Variants in BICD1 observed in about 807,000 individuals in gnomAD.
BICD1 encodes the protein protein bicaudal D homolog 1.
BICD1 carries 35 observed loss-of-function variants against 92.5 expected under a neutral mutation model. The observed-to-expected ratio is 0.38, with a 90% CI of 0.29 to 0.50. The LOEUF (loss-of-function observed/expected upper bound fraction) is 0.50. BICD1 is among the 20% of genes least tolerant of loss of function. The probability of loss-of-function intolerance (pLI) is 0.93; values close to 1 mark genes in which losing one functional copy is unlikely to be tolerated. For synonymous variants in BICD1, 429 were observed against 465.1 expected, an observed-to-expected ratio of 0.92 and a Z score of 1.00; for missense variants, 950 against 1,189.8, an observed-to-expected ratio of 0.80 and a Z score of 2.97.
chr12:32,284,085 G>A (rs932997634), intron 2 of BICD1, among the ~76,000 whole-genome samples: 1 of 152,216 alleles, frequency 6.6e-6, no homozygotes, highest in Non-Finnish European at 1.5e-5. Flanking sequence ...CCTGTGGGGT[G>A]GGGGGCAAGG....
At chr12:32,108,501 A>G (rs1144715) in intron 1 of BICD1, 354,406 of 490,968 alleles carry the variant, frequency 0.72, 129,284 homozygotes, top group Admixed American at 0.79. Context: ...TGGGTAGCAA[A>G]TAACCACTTA....
At chr12:32,270,778 T>C (rs1947117948) in intron 2 of BICD1, among the ~76,000 whole-genome samples, 1 of 152,208 alleles carries the variant, frequency 6.6e-6, no homozygotes, top group Non-Finnish European at 1.5e-5. Flanking sequence ...CATTTTCAGG[T>C]TTATTGCCTA....
At chr12:32,255,318 C>T (rs1203030028) in intron 2 of BICD1, among the ~76,000 whole-genome samples, 2 of 152,138 alleles carry the variant, frequency 1.3e-5, no homozygotes, top group African/African-American at 4.8e-5. Flanking sequence ...ATTACCATCA[C>T]ATTGGGAACT....
intron 2 of BICD1, among the ~76,000 whole-genome samples, chr12:32,291,306 G>A (rs1376951720): frequency 1.3e-5 from 2 of 151,612 alleles, no homozygotes; most frequent in Non-Finnish European, 2.9e-5. Flanking sequence ...GGAGGCCAAA[G>A]CAGGAGGATT....
chr12:32,156,616 T>TGG (rs1565553226), intron 1 of BICD1, among the ~76,000 whole-genome samples: 2 of 152,214 alleles, frequency 1.3e-5, no homozygotes, highest in Admixed American at 6.5e-5. Context: ...CATTTGCTTT[T>TGG]TGGTCTTCTG....
At chr12:32,159,962 C>CATTCAA (rs1943552584) in intron 1 of BICD1, among the ~76,000 whole-genome samples, 1 of 152,186 alleles carries the variant, frequency 6.6e-6, no homozygotes, top group Non-Finnish European at 1.5e-5. Flanking sequence ...ATCTGGTCTC[C>CATTCAA]ACCATTTCCT....
intron 1 of BICD1, among the ~76,000 whole-genome samples, chr12:32,178,918 G>C (rs1944195779): frequency 1.3e-5 from 2 of 151,906 alleles, no homozygotes; most frequent in Non-Finnish European, 2.9e-5. Context: ...ACTCAGTTTT[G>C]CATGAGGCTC....
At position 32,339,724 on chromosome 12, in the gene BICD1, G is replaced by C. The variant is rs550522989; in HGVS notation, c.2764+745G>C. 5 of 985,402 alleles carry C rather than the reference G, an allele frequency of 5.1e-6. No homozygotes were observed. The African/African-American group carries it at 8.7e-5, about 17-fold the overall frequency. The allele number at this position is 985,402 out of a possible 1,614,324, so 61.0% of individuals were successfully genotyped here. ...AATCCCTGCATGTGAGTATAGGGCAGAAGTGGCAAACAAGGAGCCCATAAA... is the reference window on the plus strand; with the variant it reads ...AATCCCTGCATGTGAGTATAGGGCACAAGTGGCAAACAAGGAGCCCATAAA... On this transcript the variant is annotated intron_variant, in intron 8 of 9. Transcript: ENST00000652176.
In BICD1 at chr12:32,107,300, G is replaced by A. The variant is rs757500148; in HGVS notation, c.-32G>A. 2 of 1,520,958 alleles carry A rather than the reference G, an allele frequency of 1.3e-6. No homozygotes were observed. The highest frequency in any genetic ancestry group is 2.4e-5 in the East Asian group (1 of 42,430). The allele number at this position is 1,520,958 out of a possible 1,614,324, so 94.2% of individuals were successfully genotyped here. A position where few individuals can be genotyped will look rare whatever the true frequency, so the allele number is the denominator to read the frequency against. ...GCTTCGCATCCATCTCCCCCACCCC[G>A]TAACCCCCTCCTGCCTCCATCCACC... is the stretch of plus-strand genomic sequence containing the variant. On this transcript the variant is annotated 5_prime_UTR_variant, in exon 1 of 10. Transcript: ENST00000652176.
intron 2 of BICD1, among the ~76,000 whole-genome samples, chr12:32,258,497 A>G (rs1946774816): frequency 6.6e-6 from 1 of 152,122 alleles, no homozygotes; most frequent in Non-Finnish European, 1.5e-5. Context: ...GACACAAGAC[A>G]AAGAGATAAA....
chr12:32,175,849 T>C (rs1463036157), intron 1 of BICD1, among the ~76,000 whole-genome samples: 2 of 152,210 alleles, frequency 1.3e-5, no homozygotes. Context: ...ATCCTCCTAA[T>C]AGGATCTCTC....
chr12:32,185,917 A>T (rs1265748434), intron 1 of BICD1, among the ~76,000 whole-genome samples: 2 of 136,458 alleles, frequency 1.5e-5, no homozygotes, highest in Non-Finnish European at 1.6e-5. Context: ...ACCCCTTTGC[A>T]TCTGTGTGGG....
chr12:32,200,081 G>T (rs1944862977), intron 1 of BICD1, among the ~76,000 whole-genome samples: 1 of 152,146 alleles, frequency 6.6e-6, no homozygotes, highest in Non-Finnish European at 1.5e-5. Flanking sequence ...CCACACTGGT[G>T]CTCCAGCTAT....
At chr12:32,310,613 C>T (rs548304133) in intron 4 of BICD1, among the ~76,000 whole-genome samples, 1 of 152,170 alleles carries the variant, frequency 6.6e-6, no homozygotes, top group African/African-American at 2.4e-5. Flanking sequence ...TAGTGACTAC[C>T]GTCTACCGAA....
At chr12:32,354,871 T>G (rs1057232412) in intron 8 of BICD1, among the ~76,000 whole-genome samples, 1 of 152,164 alleles carries the variant, frequency 6.6e-6, no homozygotes, top group Non-Finnish European at 1.5e-5. Context: ...TCTTTCTCAG[T>G]TTTTCCTTAT....
At chr12:32,335,252 G>A (rs983395989) in intron 6 of BICD1, among the ~76,000 whole-genome samples, 2 of 151,940 alleles carry the variant, frequency 1.3e-5, no homozygotes, top group African/African-American at 4.8e-5. Flanking sequence ...CCGGGTTCTA[G>A]CGATTCTCCT....
At chr12:32,357,160 C>T (rs549002774) in intron 8 of BICD1, among the ~76,000 whole-genome samples, 3 of 151,890 alleles carry the variant, frequency 2.0e-5, no homozygotes, top group South Asian at 2.1e-4. Context: ...TACAGGCGCA[C>T]GCCACCACGC....
intron 3 of BICD1, among the ~76,000 whole-genome samples, chr12:32,296,648 A>G (rs1947882156): frequency 6.6e-6 from 1 of 152,120 alleles, no homozygotes; most frequent in African/African-American, 2.4e-5. Flanking sequence ...CAACTATTTA[A>G]AGTGGCCCTT....
At chr12:32,260,494 C>T (rs1445070203) in intron 2 of BICD1, among the ~76,000 whole-genome samples, 5 of 152,144 alleles carry the variant, frequency 3.3e-5, no homozygotes, top group African/African-American at 9.7e-5. Context: ...CAAGGACTCG[C>T]ATGCATGTGT....
Sources: allele counts gnomAD v4.1 joint callset (sites outside exome capture counted in the v4.1 genomes callset), GRCh38; gene constraint gnomAD v4.1.1; transcripts MANE v1.5; gene names NCBI Gene and HGNC (gene_info 2026-07-23, HGNC 2026-07-21).